TRAF3IP3: variants seen among roughly 807,000 people sequenced by gnomAD.
TRAF3IP3 encodes TRAF3 interacting protein 3, also known as TRAF3-interacting JNK-activating modulator.
A neutral mutation model predicts 86.5 loss-of-function variants in TRAF3IP3; 64 were observed. The ratio of observed to expected loss-of-function variants is 0.74; its 90% confidence interval spans 0.60 to 0.91. TRAF3IP3 has a LOEUF of 0.91. TRAF3IP3 is among the 40% of genes least tolerant of loss of function. The pLI is 0.00. For synonymous variants in TRAF3IP3, 220 were observed against 243.9 expected, an observed-to-expected ratio of 0.90 and a Z score of 0.91; for missense variants, 579 against 642.9, an observed-to-expected ratio of 0.90 and a Z score of 1.07.
intron 7 of TRAF3IP3, 46 bp downstream of exon 7, chr1:209,763,438 C>A: frequency 6.2e-7 from 1 of 1,612,942 alleles, no homozygotes; most frequent in Non-Finnish European, 8.5e-7. Flanking sequence ...ATCCACTTAC[C>A]CCCGATCCTC....
chr1:209,766,829 A>G (rs2077365977), intron 8 of TRAF3IP3, among the ~76,000 whole-genome samples: 1 of 152,224 alleles, frequency 6.6e-6, no homozygotes, highest in Non-Finnish European at 1.5e-5. Flanking sequence ...GTGCCACTGC[A>G]CTCCAGCCTG....
At chr1:209,764,915 T>C (rs1160130977) in intron 8 of TRAF3IP3, among the ~76,000 whole-genome samples, 1 of 151,788 alleles carries the variant, frequency 6.6e-6, no homozygotes, top group Non-Finnish European at 1.5e-5. Flanking sequence ...GCATCATGTC[T>C]GTAAATCCCA....
chr1:209,781,825 A>T (rs1251940869), intron 16 of TRAF3IP3: 3 of 550,156 alleles, frequency 5.5e-6, no homozygotes, highest in Admixed American at 3.2e-5. Context: ...TATTCATATC[A>T]GTATTTATAT....
chr1:209,765,385 G>A (rs1431870881), intron 8 of TRAF3IP3, among the ~76,000 whole-genome samples: 1 of 152,188 alleles, frequency 6.6e-6, no homozygotes, highest in Non-Finnish European at 1.5e-5. Flanking sequence ...AAGAAAAACA[G>A]TCTGGGTGCG....
chr1:209,769,381 C>T (rs965862533), intron 8 of TRAF3IP3, among the ~76,000 whole-genome samples: 1 of 152,238 alleles, frequency 6.6e-6, no homozygotes, highest in Non-Finnish European at 1.5e-5. Context: ...TCTTTGTCCA[C>T]GTCTTCCATC....
At chr1:209,761,902 C>G (rs1449435088) in intron 3 of TRAF3IP3, among the ~76,000 whole-genome samples, 1 of 152,240 alleles carries the variant, frequency 6.6e-6, no homozygotes, top group Non-Finnish European at 1.5e-5. Flanking sequence ...ACTAGAGATT[C>G]TAGAGAGAAA....
intron 16 of TRAF3IP3, 84 bp downstream of exon 16, chr1:209,781,542 G>A (rs532304787): frequency 7.9e-5 from 78 of 984,828 alleles, no homozygotes; most frequent in Admixed American, 1.3e-4. Flanking sequence ...AAATATATCA[G>A]CCCACGCCAA....
intron 8 of TRAF3IP3, among the ~76,000 whole-genome samples, chr1:209,765,214 G>A (rs12758144): frequency 0.026 from 1,076 of 40,996 alleles, 8 homozygotes; most frequent in East Asian, 0.12. Flanking sequence ...AGAGAGAGAG[G>A]GAGAGAGAGA....
chr1:209,766,234 G>C (rs1197473218), intron 8 of TRAF3IP3, among the ~76,000 whole-genome samples: 1 of 152,192 alleles, frequency 6.6e-6, no homozygotes, highest in African/African-American at 2.4e-5. Context: ...CTGATTGTTA[G>C]GTCATTTTCA....
At chr1:209,764,405 A>T (rs956703061) in intron 8 of TRAF3IP3, among the ~76,000 whole-genome samples, 1 of 152,214 alleles carries the variant, frequency 6.6e-6, no homozygotes, top group Admixed American at 6.5e-5. Context: ...TGCCAGGAAA[A>T]TATGGAAGAA....
At chr1:209,765,118 T>G (rs542783795) in intron 8 of TRAF3IP3, among the ~76,000 whole-genome samples, 133 of 148,692 alleles carry the variant, frequency 8.9e-4, no homozygotes, top group Middle Eastern at 7.1e-3. Flanking sequence ...GAGGTTGCAG[T>G]GAGCGATGAT....
chr1:209,763,156 T>G, intron 6 of TRAF3IP3, 64 bp downstream of exon 6: 1 of 1,570,352 alleles, frequency 6.4e-7, no homozygotes, highest in Non-Finnish European at 8.8e-7. Context: ...ATTCTGGAAT[T>G]CCATGATAAA....
At chr1:209,770,534 C>A (rs1275635660) in intron 8 of TRAF3IP3, among the ~76,000 whole-genome samples, 2 of 118,182 alleles carry the variant, frequency 1.7e-5, no homozygotes, top group Non-Finnish European at 3.4e-5. Flanking sequence ...TGGAAGTGTG[C>A]GTGTGCAGGT....
intron 9 of TRAF3IP3, 26 bp from the exon 10 acceptor site, chr1:209,775,323 T>C: frequency 6.3e-7 from 1 of 1,592,318 alleles, no homozygotes; most frequent in Non-Finnish European, 8.6e-7. Context: ...TCAATGTGTA[T>C]TTGTTGAATT....
rs1277097504 is a variant in TRAF3IP3 at position 209,775,996 on chromosome 1, C to T, written c.1053+260C>T. The T allele has an allele frequency of 1.6e-5, 6 of 371,608 alleles. No homozygotes were observed. The Admixed American group carries it at 2.2e-4, about 14-fold the overall frequency. 23.0% of individuals were successfully genotyped at this position (371,608 alleles called of 1,614,324 possible). On this transcript the variant is annotated intron_variant, in intron 11 of 16. Coordinates refer to ENST00000367025, the MANE Select transcript of TRAF3IP3 (RefSeq NM_025228.4). ...ACCATCACCACCCAAATGAAAAGAA[C>T]TGGCTGGAATATTCATCAGCCTACT...
At chr1:209,776,037 C>A (rs948052345) in intron 11 of TRAF3IP3, 2 of 259,916 alleles carry the variant, frequency 7.7e-6, no homozygotes, top group African/African-American at 2.2e-5. Flanking sequence ...CATCTCCCAA[C>A]CCACTCTCCA....
chr1:209,775,222 T>C, intron 9 of TRAF3IP3, 127 bp from the exon 10 acceptor site: 1 of 855,264 alleles, frequency 1.2e-6, no homozygotes, highest in Non-Finnish European at 1.8e-6. Context: ...CTAAAAGAAA[T>C]GGCTCACTAG....
chr1:209,770,773 CTATGGAGGTGTGTGTGTGTGCA>C lies in TRAF3IP3; in HGVS notation c.703-2156_703-2135del, dbSNP rs1323389423. Among the ~76,000 whole-genome samples, 38 of 37,120 alleles carry C rather than the reference CTATGGAGGTGTGTGTGTGTGCA, an allele frequency of 1.0e-3. 1 individual carries two copies. The highest frequency in any genetic ancestry group is 2.6e-3 in the Admixed American group (8 of 3,096). The allele number at this position is 37,120 out of a possible 152,430, so 24.4% of individuals were successfully genotyped here. A position where few individuals can be genotyped will look rare whatever the true frequency, so the allele number is the denominator to read the frequency against. On this transcript the variant is annotated intron_variant, in intron 8 of 16. Transcript: ENST00000367025. ...TGTGCAGGTGGAGGTGTGCGTGTGC[CTATGGAGGTGTGTGTGTGTGCA>C]TATGGAGGTGTGTGTGTGCAGGTGG...
intron 8 of TRAF3IP3, among the ~76,000 whole-genome samples, chr1:209,765,313 G>T (rs2077336989): frequency 6.6e-6 from 1 of 151,626 alleles, no homozygotes; most frequent in Admixed American, 6.6e-5. Context: ...AATTGAGAAA[G>T]AATTATTAAT....
Sources: gnomAD v4.1 joint callset for allele counts (sites outside exome capture counted in the v4.1 genomes callset) on GRCh38, gnomAD v4.1.1 for gene constraint, MANE v1.5 for transcripts, NCBI Gene and HGNC (gene_info 2026-07-23, HGNC 2026-07-21) for gene names.